SYT1: variants seen among roughly 807,000 people sequenced by gnomAD.
SYT1 encodes synaptotagmin-1.
Under a neutral mutation model 44.8 loss-of-function variants are expected in SYT1, and 8 were observed. The ratio of observed to expected loss-of-function variants is 0.18; its 90% CI spans 0.10 to 0.32. The LOEUF (loss-of-function observed/expected upper bound fraction) is 0.32, where lower values mean the gene tolerates loss of function less well. Ranked by LOEUF, SYT1 falls within the 10% of genes least tolerant of loss-of-function variation. The pLI, the probability that SYT1 is intolerant of heterozygous loss-of-function variation, is 1.00. For synonymous variants in SYT1, 154 were observed against 188.8 expected (o/e 0.82, Z 1.51); for missense variants, 286 against 509.3 (o/e 0.56, Z 4.22).
chr12:79,124,455 G>A (rs1034065309), intron 3 of SYT1, among the ~76,000 whole-genome samples: 2 of 152,068 alleles, frequency 1.3e-5, no homozygotes, highest in African/African-American at 4.8e-5. Context: ...TTGGCTTGTC[G>A]TGAGGTAGAA....
intron 1 of SYT1, among the ~76,000 whole-genome samples, chr12:78,943,208 G>A (rs536650922): frequency 6.6e-6 from 1 of 152,136 alleles, no homozygotes; most frequent in Non-Finnish European, 1.5e-5. Context: ...GAGTCTCATT[G>A]TGTTAGGCTG....
chr12:79,069,762 A>G (rs1876136999), intron 3 of SYT1, among the ~76,000 whole-genome samples: 1 of 152,090 alleles, frequency 6.6e-6, no homozygotes. Flanking sequence ...CTTGGCAAAC[A>G]TAACTGTTGT....
At chr12:79,146,557 G>A (rs1869927073) in intron 3 of SYT1, among the ~76,000 whole-genome samples, 1 of 152,178 alleles carries the variant, frequency 6.6e-6, no homozygotes, top group Admixed American at 6.5e-5. Flanking sequence ...AGTTTGAGAA[G>A]ACAATGCTTT....
intron 9 of SYT1, among the ~76,000 whole-genome samples, chr12:79,367,802 A>G (rs1345963453): frequency 2.0e-5 from 3 of 152,124 alleles, no homozygotes; most frequent in African/African-American, 7.2e-5. Flanking sequence ...AGAATCTCAG[A>G]TAAGTAGCTC....
At chr12:79,150,384 T>C (rs939211690) in intron 3 of SYT1, among the ~76,000 whole-genome samples, 3 of 152,228 alleles carry the variant, frequency 2.0e-5, no homozygotes, top group East Asian at 3.8e-4. Flanking sequence ...CACTTATATA[T>C]GGACTCTTAA....
intron 1 of SYT1, among the ~76,000 whole-genome samples, chr12:78,882,066 T>C (rs1874486766): frequency 6.6e-6 from 1 of 151,694 alleles, no homozygotes; most frequent in East Asian, 1.9e-4. Flanking sequence ...ACTAAGAACA[T>C]AAACCATAAG....
intron 4 of SYT1, among the ~76,000 whole-genome samples, chr12:79,263,142 A>G (rs1877925879): frequency 6.6e-6 from 1 of 152,170 alleles, no homozygotes; most frequent in Non-Finnish European, 1.5e-5. Flanking sequence ...GAAATTGTTC[A>G]GTGCAATTAG....
At chr12:79,293,987 C>G (rs909697930) in intron 6 of SYT1, among the ~76,000 whole-genome samples, 1 of 152,058 alleles carries the variant, frequency 6.6e-6, no homozygotes, top group Admixed American at 6.6e-5. Flanking sequence ...TAGGAAAGAT[C>G]AAGGACAACT....
chr12:79,222,188 T>G (rs149267265), intron 4 of SYT1, among the ~76,000 whole-genome samples: 3 of 152,208 alleles, frequency 2.0e-5, no homozygotes, highest in African/African-American at 7.2e-5. Context: ...CCTTATATAT[T>G]ATTTGCTTCT....
chr12:79,034,183 T>C (rs976435926), intron 2 of SYT1, among the ~76,000 whole-genome samples: 1 of 151,524 alleles, frequency 6.6e-6, no homozygotes, highest in Non-Finnish European at 1.5e-5. Context: ...TGTTTTATCT[T>C]GAAAATTCTT....
At chr12:78,903,412 T>C (rs1251868541) in intron 1 of SYT1, among the ~76,000 whole-genome samples, 1 of 151,848 alleles carries the variant, frequency 6.6e-6, no homozygotes, top group African/African-American at 2.4e-5. Flanking sequence ...CAGCCTCCTG[T>C]GTAGCCTGGG....
intron 3 of SYT1, among the ~76,000 whole-genome samples, chr12:79,170,793 G>GT (rs2138348573): frequency 6.6e-6 from 1 of 152,140 alleles, no homozygotes; most frequent in Non-Finnish European, 1.5e-5. Context: ...GTCCTGAATG[G>GT]TATTGCCTAG....
intron 1 of SYT1, among the ~76,000 whole-genome samples, chr12:78,974,330 A>G (rs1006303523): frequency 2.0e-5 from 3 of 152,066 alleles, no homozygotes; most frequent in African/African-American, 7.2e-5. Context: ...TTGGATAATG[A>G]TAAGTGCTAT....
chr12:79,337,552 T>C (rs1424215101), intron 8 of SYT1, among the ~76,000 whole-genome samples: 1 of 152,222 alleles, frequency 6.6e-6, no homozygotes. Context: ...TACAAAGTCC[T>C]TGCAGTCATT....
intron 2 of SYT1, among the ~76,000 whole-genome samples, chr12:79,032,734 T>C (rs1044717325): frequency 1.3e-5 from 2 of 151,524 alleles, no homozygotes; most frequent in East Asian, 1.9e-4. Flanking sequence ...GATTATTTTC[T>C]GATTATTCCC....
At chr12:79,079,487 A>G (rs955392701) in intron 3 of SYT1, among the ~76,000 whole-genome samples, 8 of 152,152 alleles carry the variant, frequency 5.3e-5, no homozygotes, top group African/African-American at 1.9e-4. Flanking sequence ...AATACAGATT[A>G]TCATCTCATT....
intron 9 of SYT1, among the ~76,000 whole-genome samples, chr12:79,418,352 C>T (rs1868886523): frequency 1.3e-5 from 2 of 152,132 alleles, no homozygotes; most frequent in Admixed American, 6.6e-5. Flanking sequence ...CTTTTTAGCT[C>T]TCAAATTCGT....
intron 3 of SYT1, among the ~76,000 whole-genome samples, chr12:79,077,142 C>A (rs1277229906): frequency 2.0e-5 from 3 of 152,050 alleles, no homozygotes; most frequent in African/African-American, 7.2e-5. Flanking sequence ...GCCCTGAGCT[C>A]TCTTGGATAA....
chr12:79,236,916 G>A (rs1044120640), intron 4 of SYT1, among the ~76,000 whole-genome samples: 2 of 152,184 alleles, frequency 1.3e-5, no homozygotes, highest in African/African-American at 4.8e-5. Context: ...ATATCAGGCT[G>A]AGGTTAGACT....
Sources: gnomAD v4.1 joint callset for allele counts (sites outside exome capture counted in the v4.1 genomes callset) on GRCh38, gnomAD v4.1.1 for gene constraint, MANE v1.5 for transcripts, NCBI Gene and HGNC (gene_info 2026-07-23, HGNC 2026-07-21) for gene names.